Variants in SLC66A1 observed in about 807,000 individuals in gnomAD.
SLC66A1 encodes the protein solute carrier family 66 member 1.
In SLC66A1, 23 loss-of-function variants were observed where a neutral mutation model predicts 33.0. The ratio of observed to expected loss-of-function variants is 0.70; its 90% CI spans 0.50 to 0.99. SLC66A1 has a LOEUF of 0.99. Among genes scored for constraint, SLC66A1 ranks in the 50% least tolerant of loss-of-function variants. The pLI, the probability that SLC66A1 is intolerant of heterozygous loss-of-function variation, is 0.00. For synonymous variants in SLC66A1, 164 were observed against 175.5 expected (o/e 0.93, Z 0.52); for missense variants, 335 against 383.6 (o/e 0.87, Z 1.06).
intron 2 of SLC66A1, among the ~76,000 whole-genome samples, chr1:19,322,105 G>A (rs528212888): frequency 1.3e-5 from 2 of 152,248 alleles, no homozygotes; most frequent in Admixed American, 6.5e-5. Flanking sequence ...CAGAGAGAGA[G>A]TGGAGGCAGG....
intron 2 of SLC66A1, among the ~76,000 whole-genome samples, chr1:19,323,058 T>G (rs2093845977): frequency 6.6e-6 from 1 of 152,046 alleles, no homozygotes; most frequent in Non-Finnish European, 1.5e-5. Flanking sequence ...TTTTTTTTTT[T>G]GGTAGAGACA....
At chr1:19,334,191 C>T (rs934795502), downstream of SLC66A1, among the ~76,000 whole-genome samples, 1 of 152,174 alleles carries the variant, frequency 6.6e-6, no homozygotes, top group Non-Finnish European at 1.5e-5. Flanking sequence ...CATCATAACC[C>T]CAGTACTCAG....
intron 2 of SLC66A1, among the ~76,000 whole-genome samples, chr1:19,322,798 A>T (rs1177528439): frequency 6.6e-6 from 1 of 152,126 alleles, no homozygotes; most frequent in Non-Finnish European, 1.5e-5. Context: ...CCCTCACAGA[A>T]TGGGGGCCTT....
At chr1:19,327,572 C>T (rs1033079981) in intron 7 of SLC66A1, 160 bp downstream of exon 7, 45 of 861,262 alleles carry the variant, frequency 5.2e-5, no homozygotes, top group African/African-American at 1.3e-4. Context: ...TTCACCCAGT[C>T]GTGCACACCT....
At chr1:19,331,116 A>G (rs980891112), downstream of SLC66A1, among the ~76,000 whole-genome samples, 1 of 152,072 alleles carries the variant, frequency 6.6e-6, no homozygotes, top group Non-Finnish European at 1.5e-5. Context: ...GGTTCGAGCG[A>G]TTCTCCTGCC....
At chr1:19,327,129 G>C (rs1187129571) in intron 6 of SLC66A1, 98 bp from the exon 7 acceptor site, 3 of 1,218,856 alleles carry the variant, frequency 2.5e-6, no homozygotes, top group Non-Finnish European at 3.5e-6. Flanking sequence ...GCTCAGAGCA[G>C]GTGCACTGTG....
intron 1 of SLC66A1, among the ~76,000 whole-genome samples, chr1:19,315,861 A>G (rs573875115): frequency 6.6e-6 from 1 of 152,168 alleles, no homozygotes; most frequent in South Asian, 2.1e-4. Flanking sequence ...TTGACTCTGT[A>G]GTTTCCTGGC....
At position 19,326,302 on chromosome 1, in the gene SLC66A1, C is replaced by T. The variant is rs142431332; in HGVS notation, c.440C>T (p.Pro147Leu). The stretch of plus-strand genomic sequence containing the variant: ...CTCATGGGGATGGCGTGCGCCACAC[C>T]GCTGCTGAGTGCTGCTGGGCCCGTG... ...LFLMGMACATPLLSAAGPVAA... is the reference protein window; with the variant it reads ...LFLMGMACATLLLSAAGPVAA... Residue 147 changes from proline (P) to leucine (L), a missense_variant, in exon 5 of 8, where the codon CCG becomes CTG. Pro to Leu is a moderately conservative substitution (Grantham distance 98). Transcript: ENST00000375153. The T allele has an allele frequency of 1.2e-5, 19 of 1,607,226 alleles. No individual in the cohort carries two copies. The highest frequency in any genetic ancestry group is 1.5e-5 in the Non-Finnish European group (18 of 1,179,920).
chr1:19,325,616 T>C, intron 4 of SLC66A1, 34 bp downstream of exon 4: 1 of 1,095,494 alleles, frequency 9.1e-7, no homozygotes, highest in Non-Finnish European at 1.3e-6. Flanking sequence ...TCAGATGCTC[T>C]ACCAGCAGCA....
intron 1 of SLC66A1, among the ~76,000 whole-genome samples, chr1:19,315,451 A>G (rs1246275614): frequency 3.9e-5 from 6 of 152,168 alleles, no homozygotes; most frequent in Non-Finnish European, 8.8e-5. Context: ...GAGTCACATT[A>G]GGGCTGAGGG....
intron 4 of SLC66A1, 58 bp downstream of exon 4, chr1:19,325,640 G>GTA: frequency 3.4e-6 from 4 of 1,166,852 alleles, no homozygotes; most frequent in Non-Finnish European, 4.9e-6. Context: ...GGCAGTTGTG[G>GTA]GGGGGGGCGC....
At position 19,320,704 on chromosome 1, in the gene SLC66A1, C is replaced by T. The variant is rs142030812; in HGVS notation, c.164+2863C>T. Among the ~76,000 whole-genome samples, 206 of 150,048 alleles carry T rather than the reference C, an allele frequency of 1.4e-3. 4 individuals carry two copies. Among genetic ancestry groups the T allele is most frequent in the African/African-American group, 3.6e-3 (143 of 39,800 alleles). ...TGCTGGGATTACAGGCGTGAGCCAC[C>T]GCACCTGGCCTCACTTCTTTTTTTT... On this transcript the variant is annotated intron_variant, in intron 2 of 7. Transcript: ENST00000375153.
chr1:19,325,639 G>T lies in SLC66A1; in HGVS notation c.382+57G>T, dbSNP rs567080392. On this transcript the variant is annotated intron_variant, in intron 4 of 7. Transcript: ENST00000375153. ...TCTACCAGCAGCAGGGGGCAGTTGT[G>T]GGGGGGGGCGCCTGGAGTGTGGGAG... 5.2e-4 allele frequency: 561 copies of T among 1,087,758 alleles called. 6 individuals are homozygous for T. Among genetic ancestry groups the T allele is most frequent in the Middle Eastern group, 1.7e-3 (6 of 3,568 alleles). 67.4% of individuals were successfully genotyped at this position (1,087,758 alleles called of 1,614,324 possible).
chr1:19,327,599 C>G (rs971213695), intron 7 of SLC66A1, 187 bp downstream of exon 7: 1 of 775,432 alleles, frequency 1.3e-6, no homozygotes, highest in East Asian at 2.8e-5. Context: ...TGCCAGGCAC[C>G]CAGCTGGACC....
intron 2 of SLC66A1, among the ~76,000 whole-genome samples, chr1:19,324,286 C>T (rs75598548): frequency 0.024 from 3,602 of 152,332 alleles, 148 homozygotes; most frequent in African/African-American, 0.081. Context: ...TTCTATGCAG[C>T]GGTTGTCAGG....
Position 19,326,271 on chromosome 1 carries a change from T to C in SLC66A1, c.409T>C (p.Leu137=), listed in dbSNP as rs1247457790. Residue 137 remains leucine, a synonymous_variant, in exon 5 of 8, where the codon TTG becomes CTG. Coordinates refer to ENST00000375153, the MANE Select transcript of SLC66A1 (RefSeq NM_001040125.2). ...GTCTGCCCCCATCAACTCCGTGCTGTTGTTCCTCATGGGGATGGCGTGCGC... is the reference window on the plus strand; with the variant it reads ...GTCTGCCCCCATCAACTCCGTGCTGCTGTTCCTCATGGGGATGGCGTGCGC... ...LLSAPINSVL[L]FLMGMACATP... 2 of 1,606,320 alleles carry C rather than the reference T, an allele frequency of 1.2e-6. No homozygotes were observed. Among genetic ancestry groups the C allele is most frequent in the Admixed American group, 1.7e-5 (1 of 59,990 alleles).
At chr1:19,323,327 G>A (rs1309005789) in intron 2 of SLC66A1, among the ~76,000 whole-genome samples, 3 of 152,190 alleles carry the variant, frequency 2.0e-5, no homozygotes, top group African/African-American at 7.2e-5. Flanking sequence ...ACTCGCTGTG[G>A]GAAGAATGCC....
chr1:19,332,879 G>A (rs1340619628), downstream of SLC66A1, among the ~76,000 whole-genome samples: 1 of 152,208 alleles, frequency 6.6e-6, no homozygotes, highest in Admixed American at 6.5e-5. Context: ...CCTTGTCCAG[G>A]AAGGGCTGGC....
chr1:19,321,975 G>A (rs2093839988), intron 2 of SLC66A1, among the ~76,000 whole-genome samples: 1 of 152,208 alleles, frequency 6.6e-6, no homozygotes, highest in Admixed American at 6.5e-5. Context: ...CTTGTTCCAG[G>A]TGCCTGTTGG....
Sources: gnomAD v4.1 joint callset for allele counts (sites outside exome capture counted in the v4.1 genomes callset) on GRCh38, gnomAD v4.1.1 for gene constraint, MANE v1.5 for transcripts, NCBI Gene and HGNC (gene_info 2026-07-23, HGNC 2026-07-21) for gene names.